Variants in SLC25A30 observed in about 807,000 individuals in gnomAD.
SLC25A30 encodes the protein solute carrier family 25 member 30.
Under a neutral mutation model 42.7 loss-of-function variants are expected in SLC25A30, and 29 were observed. The observed-to-expected ratio is 0.68, with a 90% confidence interval of 0.51 to 0.93. SLC25A30 has a LOEUF of 0.93. Ranked by LOEUF, SLC25A30 falls within the 40% of genes least tolerant of loss-of-function variation. SLC25A30 has a pLI of 0.00. For missense variants in SLC25A30, 300 were observed against 359.7 expected (o/e 0.83, Z 1.34); for synonymous variants, 124 against 131.0 (o/e 0.95, Z 0.37).
chr13:45,403,652 T>A (rs899662640), intron 5 of SLC25A30, among the ~76,000 whole-genome samples: 1 of 152,140 alleles, frequency 6.6e-6, no homozygotes, highest in African/African-American at 2.4e-5. Flanking sequence ...ACAAAGAAGA[T>A]GCAGGCCAGG....
the SLC25A30 span, among the ~76,000 whole-genome samples, chr13:45,431,828 G>A: frequency 3.3e-5 from 5 of 152,176 alleles, no homozygotes; most frequent in Middle Eastern, 3.4e-3. Context: ...TTTTGTCCCC[G>A]AAGCCTGTTC....
At chr13:45,423,769 A>ATATATAAAT in the SLC25A30 span, among the ~76,000 whole-genome samples, 2 of 56,490 alleles carry the variant, frequency 3.5e-5, no homozygotes, top group Non-Finnish European at 3.0e-5. Context: ...AATATATAAA[A>ATATATAAAT]ATATATAAAT....
rs376861572 is a variant in SLC25A30 at position 45,397,348 on chromosome 13, G to A, written c.754-10C>T. 4.4e-6 allele frequency: 7 copies of A among 1,592,890 alleles called. No individual in the cohort carries two copies. Among genetic ancestry groups the A allele is most frequent in the Non-Finnish European group, 4.3e-6 (5 of 1,165,986 alleles). ...CTTCATTCTTCCATGTCTGTTAAAA[G>A]AAGAAAAAAAAGTTAACTTCCAACT... is the stretch of plus-strand genomic sequence containing the variant. On this transcript the variant is annotated splice_polypyrimidine_tract_variant and intron_variant, in intron 8 of 9. Transcript: ENST00000519676.
chr13:45,393,711 A>T lies in SLC25A30; in HGVS notation c.*2263T>A. On this transcript the variant is annotated 3_prime_UTR_variant, in exon 10 of 10. Transcript: ENST00000519676. ...CTTGGTTAGAAGCTTCAACAATTGC[A>T]TTAACTCTTTCAAAAAAACAGAAAA... The T allele has an allele frequency of 2.0e-6, 2 of 985,444 alleles. No individual in the cohort carries two copies. The highest frequency in any genetic ancestry group is 5.2e-4 in the Middle Eastern group (1 of 1,914). 61.0% of individuals were successfully genotyped at this position (985,444 alleles called of 1,614,324 possible).
chr13:45,429,837 A>G, the SLC25A30 span, among the ~76,000 whole-genome samples: 1 of 148,024 alleles, frequency 6.8e-6, no homozygotes, highest in Non-Finnish European at 1.5e-5. Flanking sequence ...CTTGTCTCAG[A>G]AAAAAAAAAA....
At chr13:45,430,499 A>G in the SLC25A30 span, among the ~76,000 whole-genome samples, 1 of 152,172 alleles carries the variant, frequency 6.6e-6, no homozygotes, top group Non-Finnish European at 1.5e-5. Flanking sequence ...AGCCCTGTAG[A>G]ACAATTTTAT....
the SLC25A30 span, among the ~76,000 whole-genome samples, chr13:45,425,370 AAATATATAAG>A: frequency 9.0e-6 from 1 of 110,596 alleles, no homozygotes; most frequent in African/African-American, 3.7e-5. Flanking sequence ...ATATGTATAA[AAATATATAAG>A]TATATATGAA....
intron 6 of SLC25A30, among the ~76,000 whole-genome samples, chr13:45,401,420 CCTTGGGCCAGA>C (rs1881970392): frequency 6.6e-6 from 1 of 152,278 alleles, no homozygotes; most frequent in Admixed American, 6.5e-5. Context: ...AACTATATGA[CCTTGGGCCAGA>C]CTTTGGCCAG....
At chr13:45,423,326 G>A (rs1226651471), upstream of SLC25A30, among the ~76,000 whole-genome samples, 2 of 151,310 alleles carry the variant, frequency 1.3e-5, no homozygotes, top group Non-Finnish European at 2.9e-5. Flanking sequence ...AACAGTGCAG[G>A]GAAACTCATG....
At chr13:45,416,683 G>A (rs1301092046) in intron 1 of SLC25A30, among the ~76,000 whole-genome samples, 2 of 152,064 alleles carry the variant, frequency 1.3e-5, no homozygotes, top group African/African-American at 2.4e-5. Context: ...AGGTGGAAGG[G>A]GCACATAAGC....
chr13:45,403,936 C>CAAAAA (rs34588071), intron 5 of SLC25A30, among the ~76,000 whole-genome samples: 1 of 80,742 alleles, frequency 1.2e-5, no homozygotes, highest in African/African-American at 3.9e-5. Flanking sequence ...GACTCCATCT[C>CAAAAA]AAAAAAAAAA....
intron 7 of SLC25A30, among the ~76,000 whole-genome samples, chr13:45,399,351 G>A (rs987726451): frequency 6.6e-6 from 1 of 152,116 alleles, no homozygotes; most frequent in Non-Finnish European, 1.5e-5. Flanking sequence ...GATTTCAGGT[G>A]TACTCTACCA....
chr13:45,424,078 A>C, the SLC25A30 span, among the ~76,000 whole-genome samples: 1 of 96,838 alleles, frequency 1.0e-5, no homozygotes, highest in South Asian at 3.7e-4. Context: ...TATTTATATA[A>C]ATATATATAA....
chr13:45,423,695 AATATATAAATATATAAACATATAT>A, the SLC25A30 span, among the ~76,000 whole-genome samples: 1 of 4,080 alleles, frequency 2.5e-4, no homozygotes, highest in Non-Finnish European at 4.5e-4. Context: ...AATATATATA[AATATATAAATATATAAACATATAT>A]AAATATATAT....
chr13:45,406,088 A>ATTTT, intron 3 of SLC25A30, 111 bp from the exon 4 acceptor site: 6 of 724,724 alleles, frequency 8.3e-6, no homozygotes, highest in Non-Finnish European at 1.3e-5. Flanking sequence ...CTCTAAAACA[A>ATTTT]TTTTTTTTTT....
rs1325225707 is a variant in SLC25A30 at position 45,399,049 on chromosome 13, G to C, written c.644C>G (p.Ala215Gly). 1.5e-5 allele frequency: 24 copies of C among 1,611,794 alleles called. No individual in the cohort carries two copies. In the Admixed American group the frequency reaches 2.2e-4, roughly 15 times the overall value. Residue 215 changes from alanine (A) to glycine (G), a missense_variant, in exon 8 of 10, where the codon GCC becomes GGC. Ala to Gly is a moderately conservative substitution (Grantham distance 60). Coordinates refer to ENST00000519676, the MANE Select transcript of SLC25A30 (RefSeq NM_001010875.4). Reference sequence around the variant, plus strand: ...AACATCAACAGGGTTTGAGGCCAGGGCCCCTGCCAGACCACAGGTGAAGCT... The same window carrying C: ...AACATCAACAGGGTTTGAGGCCAGGCCCCCTGCCAGACCACAGGTGAAGCT... ...LSSFTCGLAGALASNPVDVVR... is the reference protein window; with the variant it reads ...LSSFTCGLAGGLASNPVDVVR...
At chr13:45,432,061 G>A in the SLC25A30 span, among the ~76,000 whole-genome samples, 2 of 151,966 alleles carry the variant, frequency 1.3e-5, no homozygotes, top group Non-Finnish European at 2.9e-5. Context: ...CTTGAGGTCA[G>A]GAGTATGACA....
Position 45,394,534 on chromosome 13 carries a change from AC to A in SLC25A30, c.*1439del. ...TGTTCTCAAAGGGGGAACTGAAGAG[AC>A]CCAAATAAATATGTTCCCTGTCCTG... is the stretch of plus-strand genomic sequence containing the variant. On this transcript the variant is annotated 3_prime_UTR_variant, in exon 10 of 10. Coordinates refer to ENST00000519676, the MANE Select transcript of SLC25A30 (RefSeq NM_001010875.4). The A allele has an allele frequency of 1.0e-6, 1 of 985,312 alleles. No individual in the cohort carries two copies. Among genetic ancestry groups the A allele is most frequent in the Non-Finnish European group, 1.2e-6 (1 of 829,916 alleles). The allele number at this position is 985,312 out of a possible 1,614,324, so 61.0% of individuals were successfully genotyped here. A position where few individuals can be genotyped will look rare whatever the true frequency, so the allele number is the denominator to read the frequency against.
At chr13:45,405,819 C>G (rs764154359) in intron 4 of SLC25A30, 64 bp downstream of exon 4, 126 of 1,482,322 alleles carry the variant, frequency 8.5e-5, no homozygotes, top group Non-Finnish European at 1.1e-4. Context: ...GCTCCAAAAC[C>G]ACTTGAATAA....
Sources: gnomAD v4.1 joint callset for allele counts (sites outside exome capture counted in the v4.1 genomes callset) on GRCh38, gnomAD v4.1.1 for gene constraint, MANE v1.5 for transcripts, NCBI Gene and HGNC (gene_info 2026-07-23, HGNC 2026-07-21) for gene names.